Variants in PCDHA4 observed in about 807,000 individuals in gnomAD.
PCDHA4 encodes protocadherin alpha 4.
A neutral mutation model predicts 61.4 loss-of-function variants in PCDHA4; 49 were observed. The observed-to-expected ratio is 0.80, with a 90% CI of 0.63 to 1.01. The LOEUF is 1.01. PCDHA4 is among the 50% of genes least tolerant of loss of function. The pLI, the probability that PCDHA4 is intolerant of heterozygous loss-of-function variation, is 0.00. For synonymous variants in PCDHA4, 590 were observed against 550.3 expected (o/e 1.07, Z -1.01); for missense variants, 1,254 against 1,235.8 (o/e 1.01, Z -0.22).
At chr5:140,817,849 A>G (rs2150099349) in intron 1 of PCDHA4, among the ~76,000 whole-genome samples, 3 of 152,150 alleles carry the variant, frequency 2.0e-5, no homozygotes, top group Admixed American at 2.0e-4. Context: ...ATCACTTTTG[A>G]GAAACAGTTT....
intron 1 of PCDHA4, chr5:140,834,635 G>T: frequency 6.2e-7 from 1 of 1,614,092 alleles, no homozygotes; most frequent in African/African-American, 1.3e-5. Context: ...ATGGCATTTT[G>T]TTTGTGAATT....
At chr5:140,822,399 T>C in intron 1 of PCDHA4, 2 of 1,614,072 alleles carry the variant, frequency 1.2e-6, no homozygotes, top group Non-Finnish European at 1.7e-6. Flanking sequence ...AAGAACACCG[T>C]TTATTAGTGA....
intron 1 of PCDHA4, chr5:140,862,697 T>C (rs2047497328): frequency 1.8e-6 from 1 of 556,706 alleles, no homozygotes; most frequent in East Asian, 5.0e-5. Context: ...TACTCGTTGA[T>C]GGAACAGCGG....
At chr5:140,860,557 G>C (rs146943384) in intron 1 of PCDHA4, 1 of 152,036 alleles carries the variant, frequency 6.6e-6, no homozygotes, top group African/African-American at 2.4e-5. Context: ...CTTTGAAGAG[G>C]TACTGATCAT....
At chr5:140,880,415 G>T (rs1481227492) in intron 1 of PCDHA4, among the ~76,000 whole-genome samples, 1 of 152,202 alleles carries the variant, frequency 6.6e-6, no homozygotes, top group Non-Finnish European at 1.5e-5. Context: ...GACCTTAAAA[G>T]CGGGAACAGT....
At chr5:140,813,295 A>G (rs1554126164) in intron 1 of PCDHA4, 1 of 152,192 alleles carries the variant, frequency 6.6e-6, no homozygotes, top group African/African-American at 2.4e-5. Flanking sequence ...TCATTCTGAG[A>G]TTTCATCACT....
chr5:140,822,693 A>G, intron 1 of PCDHA4: 1 of 1,609,820 alleles, frequency 6.2e-7, no homozygotes, highest in African/African-American at 1.3e-5. Context: ...TTAACGGGGA[A>G]CTGGATTATG....
rs2150117634 is a variant in PCDHA4, at chr5:140,822,593, A to T, written c.2385+13021A>T. The T allele has an allele frequency of 4.3e-6, 7 of 1,611,492 alleles. No homozygotes were observed. In the Admixed American group the frequency reaches 1.2e-4, roughly 27 times the overall value. On this transcript the variant is annotated intron_variant, in intron 1 of 3. Transcript: ENST00000530339. ...GCCTCAGATGCAGATGAGGGCATCA[A>T]TAAGGAAATAGTGTATTTCTTTAGT... is the stretch of plus-strand genomic sequence containing the variant.
At chr5:140,976,594 T>C (rs2096724606) in intron 1 of PCDHA4, among the ~76,000 whole-genome samples, 1 of 152,146 alleles carries the variant, frequency 6.6e-6, no homozygotes, top group Non-Finnish European at 1.5e-5. Flanking sequence ...ACTTTTGTGT[T>C]AAGGGGACCT....
chr5:140,883,867 C>T (rs2059859396), intron 1 of PCDHA4: 3 of 1,613,138 alleles, frequency 1.9e-6, no homozygotes, highest in Non-Finnish European at 2.5e-6. Flanking sequence ...TGTTGCAGTT[C>T]CAGGTGAGCG....
intron 1 of PCDHA4, among the ~76,000 whole-genome samples, chr5:140,923,177 A>G (rs1325033307): frequency 2.0e-5 from 3 of 152,174 alleles, no homozygotes; most frequent in African/African-American, 7.2e-5. Context: ...TTTTGTTCAG[A>G]TGCATCTACT....
intron 1 of PCDHA4, chr5:140,967,282 G>A (rs1463734502): frequency 1.1e-5 from 17 of 1,612,960 alleles, no homozygotes; most frequent in Non-Finnish European, 1.4e-5. Context: ...TAGAGAGTGC[G>A]CAGGACCCCG....
At chr5:140,922,993 T>A (rs2081107625) in intron 1 of PCDHA4, among the ~76,000 whole-genome samples, 1 of 152,054 alleles carries the variant, frequency 6.6e-6, no homozygotes, top group Non-Finnish European at 1.5e-5. Context: ...AGGCAAGCCA[T>A]GAGAATGGTT....
chr5:140,945,533 A>G (rs1007849839), intron 1 of PCDHA4, among the ~76,000 whole-genome samples: 2 of 152,084 alleles, frequency 1.3e-5, no homozygotes, highest in African/African-American at 4.8e-5. Flanking sequence ...AAAACAAAAC[A>G]TACAAACAAA....
chr5:140,966,240 G>A (rs1372436745), intron 1 of PCDHA4: 3 of 306,008 alleles, frequency 9.8e-6, no homozygotes, highest in Non-Finnish European at 1.8e-5. Flanking sequence ...GACCCGTTAA[G>A]CAGGGGAGAG....
chr5:140,820,724 C>A (rs926082554), intron 1 of PCDHA4, among the ~76,000 whole-genome samples: 1 of 151,900 alleles, frequency 6.6e-6, no homozygotes, highest in Non-Finnish European at 1.5e-5. Flanking sequence ...TTACTGGAAC[C>A]TAAACATTTT....
intron 1 of PCDHA4, among the ~76,000 whole-genome samples, chr5:140,952,614 T>C (rs1381315866): frequency 6.6e-6 from 1 of 152,170 alleles, no homozygotes; most frequent in African/African-American, 2.4e-5. Flanking sequence ...CTCTCCCTCA[T>C]CTTCCCTCCA....
intron 1 of PCDHA4, among the ~76,000 whole-genome samples, chr5:140,941,281 C>G (rs12652617): frequency 1.4e-5 from 1 of 69,002 alleles, no homozygotes. Flanking sequence ...TTCCTTCCTT[C>G]CTTTCTCTTT....
chr5:140,889,086 A>G (rs1418981044), intron 1 of PCDHA4, among the ~76,000 whole-genome samples: 1 of 151,926 alleles, frequency 6.6e-6, no homozygotes, highest in Non-Finnish European at 1.5e-5. Flanking sequence ...TTAAATTTTC[A>G]AAACAATTTT....
Sources: allele counts gnomAD v4.1 joint callset (sites outside exome capture counted in the v4.1 genomes callset), GRCh38; gene constraint gnomAD v4.1.1; transcripts MANE v1.5; gene names NCBI Gene and HGNC (gene_info 2026-07-23, HGNC 2026-07-21).